Variants in GUCY1B1 observed in about 807,000 individuals in gnomAD.
GUCY1B1 encodes guanylate cyclase 1 soluble subunit beta 1, also known as guanylate cyclase soluble subunit beta-1.
A neutral mutation model predicts 71.0 loss-of-function variants in GUCY1B1; 43 were observed. The ratio of observed to expected loss-of-function variants is 0.61; its 90% CI spans 0.47 to 0.78. The LOEUF (loss-of-function observed/expected upper bound fraction) is 0.78, where lower values mean the gene tolerates loss of function less well. Ranked by LOEUF, GUCY1B1 falls within the 30% of genes least tolerant of loss-of-function variation. The probability of loss-of-function intolerance (pLI) is 0.00; values close to 1 mark genes in which losing one functional copy is unlikely to be tolerated. For synonymous variants in GUCY1B1, 266 were observed against 259.7 expected, an observed-to-expected ratio of 1.02 and a Z score of -0.23; for missense variants, 535 against 754.1, an observed-to-expected ratio of 0.71 and a Z score of 3.40.
intron 8 of GUCY1B1, among the ~76,000 whole-genome samples, chr4:155,799,109 T>TACAG (rs1739768188): frequency 1.3e-5 from 2 of 152,184 alleles, no homozygotes; most frequent in Non-Finnish European, 2.9e-5. Flanking sequence ...GTCCTAGGAT[T>TACAG]ACAGATGTGA....
At chr4:155,793,586 T>C (rs1005498695) in intron 5 of GUCY1B1, among the ~76,000 whole-genome samples, 2 of 152,310 alleles carry the variant, frequency 1.3e-5, no homozygotes, top group African/African-American at 4.8e-5. Flanking sequence ...AAGTGCTTTT[T>C]TTTTCTAATT....
At chr4:155,789,611 C>T (rs1739020494) in intron 4 of GUCY1B1, 103 bp from the exon 5 acceptor site, 2 of 668,458 alleles carry the variant, frequency 3.0e-6, no homozygotes, top group Non-Finnish European at 5.3e-6. Flanking sequence ...CGCTGATCTG[C>T]CCACTAGACT....
At chr4:155,763,257 G>A (rs1309918541) in intron 2 of GUCY1B1, among the ~76,000 whole-genome samples, 3 of 152,066 alleles carry the variant, frequency 2.0e-5, no homozygotes, top group African/African-American at 7.2e-5. Context: ...GTGTGCCCAA[G>A]CTGGTCTCAA....
intron 2 of GUCY1B1, among the ~76,000 whole-genome samples, chr4:155,773,080 G>A (rs1482393929): frequency 6.6e-6 from 1 of 152,230 alleles, no homozygotes; most frequent in Admixed American, 6.5e-5. Flanking sequence ...TGTGTTGCAA[G>A]TTCGCCTAAT....
intron 2 of GUCY1B1, among the ~76,000 whole-genome samples, chr4:155,763,137 AC>A (rs1197775283): frequency 6.6e-6 from 1 of 152,096 alleles, no homozygotes; most frequent in East Asian, 1.9e-4. Context: ...CCCTGACTAA[AC>A]TCATCATTGC....
chr4:155,794,347 A>G (rs1277820122), intron 6 of GUCY1B1, among the ~76,000 whole-genome samples: 1 of 152,000 alleles, frequency 6.6e-6, no homozygotes, highest in African/African-American at 2.4e-5. Flanking sequence ...TGTTACAGTG[A>G]AAAAAAATGG....
intron 2 of GUCY1B1, among the ~76,000 whole-genome samples, chr4:155,764,452 A>G (rs3796561): frequency 0.041 from 6,231 of 152,266 alleles, 171 homozygotes; most frequent in East Asian, 0.11. Flanking sequence ...CATATAGGAA[A>G]CTGAAAAGTC....
At chr4:155,771,016 G>T (rs1737660530) in intron 2 of GUCY1B1, among the ~76,000 whole-genome samples, 1 of 151,900 alleles carries the variant, frequency 6.6e-6, no homozygotes, top group Admixed American at 6.6e-5. Context: ...TACCTCTTTT[G>T]TTCATTGATA....
At chr4:155,794,519 T>A (rs2111134033) in intron 6 of GUCY1B1, among the ~76,000 whole-genome samples, 1 of 152,264 alleles carries the variant, frequency 6.6e-6, no homozygotes, top group African/African-American at 2.4e-5. Context: ...ATGATAGAGA[T>A]GATGATGGAT....
intron 2 of GUCY1B1, among the ~76,000 whole-genome samples, chr4:155,760,430 C>G (rs1214432309): frequency 2.8e-5 from 4 of 143,674 alleles, no homozygotes; most frequent in South Asian, 4.7e-4. Context: ...GCCCACCCCC[C>G]CCGCCCCAAC....
At chr4:155,797,100 G>A (rs1048773504) in intron 8 of GUCY1B1, among the ~76,000 whole-genome samples, 2 of 152,154 alleles carry the variant, frequency 1.3e-5, no homozygotes, top group African/African-American at 4.8e-5. Flanking sequence ...ATTTAGGAAA[G>A]CATTTTACTA....
At chr4:155,760,612 G>A (rs1446925943) in intron 2 of GUCY1B1, among the ~76,000 whole-genome samples, 1 of 152,026 alleles carries the variant, frequency 6.6e-6, no homozygotes, top group Non-Finnish European at 1.5e-5. Context: ...TCTGCAGGCA[G>A]GTTGACTATT....
At chr4:155,796,563 CA>C (rs1225175640) in intron 8 of GUCY1B1, 53 bp downstream of exon 8, 4 of 1,172,484 alleles carry the variant, frequency 3.4e-6, no homozygotes, top group Non-Finnish European at 4.9e-6. Flanking sequence ...CTTTAGCTAA[CA>C]AAGGAATGCC....
chr4:155,804,990 A>G (rs1561037630), intron 12 of GUCY1B1, 113 bp from the exon 13 acceptor site: 1 of 926,746 alleles, frequency 1.1e-6, no homozygotes, highest in South Asian at 1.7e-5. Flanking sequence ...GTTACCTTTC[A>G]GTACAACTTC....
intron 13 of GUCY1B1, among the ~76,000 whole-genome samples, chr4:155,805,714 C>G (rs1046299477): frequency 6.6e-6 from 1 of 152,134 alleles, no homozygotes; most frequent in African/African-American, 2.4e-5. Context: ...ATCCTAGTCC[C>G]TCATGTGTTT....
chr4:155,796,289 G>A, intron 7 of GUCY1B1, 88 bp from the exon 8 acceptor site: 1 of 1,201,972 alleles, frequency 8.3e-7, no homozygotes, highest in East Asian at 2.3e-5. Flanking sequence ...TTGTGGTTTG[G>A]TGGGAAATGA....
intron 2 of GUCY1B1, among the ~76,000 whole-genome samples, chr4:155,767,740 T>C (rs187263955): frequency 8.7e-4 from 132 of 152,208 alleles, no homozygotes; most frequent in African/African-American, 3.1e-3. Context: ...GTCTCTCCTT[T>C]GGGGTTCAGG....
In GUCY1B1 at chr4:155,775,010, A is replaced by G. The variant is rs774453052; in HGVS notation, c.120A>G (p.Arg40=). Residue 40 remains arginine (R), a synonymous_variant, in exon 3 of 14, where the codon AGA becomes AGG. Transcript: ENST00000264424. The part of the protein sequence containing the change: ...QLDEEGQFLV[R]IIYDDSKTYD... ...ATGAAGAAGGACAGTTTCTTGTCAG[A>G]ATAATATATGATGACTCCAAAACTT... is the stretch of plus-strand genomic sequence containing the variant. 1 of 1,606,478 alleles carries G rather than the reference A, an allele frequency of 6.2e-7. No individual in the cohort carries two copies. The highest frequency in any genetic ancestry group is 1.3e-5 in the African/African-American group (1 of 74,942).
intron 2 of GUCY1B1, 132 bp from the exon 3 acceptor site, chr4:155,774,836 A>G: frequency 4.7e-6 from 3 of 640,902 alleles, no homozygotes; most frequent in South Asian, 3.4e-5. Flanking sequence ...GATGATGTTT[A>G]AACAAATTTG....
Sources: gnomAD v4.1 joint callset for allele counts (sites outside exome capture counted in the v4.1 genomes callset) on GRCh38, gnomAD v4.1.1 for gene constraint, MANE v1.5 for transcripts, NCBI Gene and HGNC (gene_info 2026-07-23, HGNC 2026-07-21) for gene names.